Variants in KLKB1 observed in about 807,000 individuals in gnomAD.
KLKB1 encodes kallikrein B1, also known as plasma kallikrein.
A neutral mutation model predicts 73.6 loss-of-function variants in KLKB1; 58 were observed. The observed-to-expected ratio is 0.79, with a 90% CI of 0.64 to 0.98. The LOEUF (loss-of-function observed/expected upper bound fraction) is 0.98, where lower values mean the gene tolerates loss of function less well. KLKB1 is among the 50% of genes least tolerant of loss of function. The probability of loss-of-function intolerance (pLI) is 0.00; values close to 1 mark genes in which losing one functional copy is unlikely to be tolerated. For missense variants in KLKB1, 737 were observed against 763.8 expected (o/e 0.96, Z 0.41); for synonymous variants, 280 against 258.1 (o/e 1.08, Z -0.81).
intron 6 of KLKB1, among the ~76,000 whole-genome samples, chr4:186,243,148 T>A (rs1406573749): frequency 6.6e-6 from 1 of 151,996 alleles, no homozygotes; most frequent in Admixed American, 6.6e-5. Context: ...CCGAGCTTGA[T>A]GTGTAGGGAA....
intron 4 of KLKB1, among the ~76,000 whole-genome samples, chr4:186,235,713 G>A (rs1052698929): frequency 2.0e-5 from 3 of 151,954 alleles, no homozygotes; most frequent in Admixed American, 1.3e-4. Context: ...GTAGATTATG[G>A]TTTATTCCAC....
At chr4:186,227,688 CTGAG>C (rs1737212643) in intron 1 of KLKB1, 101 bp downstream of exon 1, 1 of 151,592 alleles carries the variant, frequency 6.6e-6, no homozygotes, top group Non-Finnish European at 1.5e-5. Flanking sequence ...TTCTAATTTC[CTGAG>C]TATGTAGAGA....
chr4:186,222,681 A>C (rs1052145170), upstream of KLKB1, among the ~76,000 whole-genome samples: 2 of 152,242 alleles, frequency 1.3e-5, no homozygotes. Flanking sequence ...GTTAAAAGTG[A>C]CTGTTGCACA....
In KLKB1 at chr4:186,221,104, AT is replaced by A. The variant is rs553131608; in HGVS notation, c.202-11022del. On this transcript the variant is annotated intron_variant, in intron 2 of 14. Transcript: ENST00000511608. ...TTAATTAGTTGATGTACTGTTTTTC[AT>A]AGTAGTCTCATGATTTTCTGTATTT... 3.0e-3 allele frequency among the ~76,000 whole-genome samples: 464 copies of A among 152,136 alleles called. 3 individuals are homozygous for A. Among genetic ancestry groups the A allele is most frequent in the African/African-American group, 0.011 (438 of 41,554 alleles).
At position 186,254,686 on chromosome 4, in the gene KLKB1, T is replaced by C; in HGVS notation, c.1412T>C (p.Ile471Thr). The C allele has an allele frequency of 1.2e-6, 2 of 1,613,836 alleles. No individual in the cohort carries two copies. Among genetic ancestry groups the C allele is most frequent in the Non-Finnish European group, 1.7e-6 (2 of 1,179,710 alleles). ...TTCTCACAAATAAAAGAGATTATTATTCACCAAAACTATAAAGTCTCAGAA... is the reference window on the plus strand; with the variant it reads ...TTCTCACAAATAAAAGAGATTATTACTCACCAAAACTATAAAGTCTCAGAA... Reference protein sequence around the residue: ...TPFSQIKEIIIHQNYKVSEGN... With the variant: ...TPFSQIKEIITHQNYKVSEGN... Residue 471 changes from isoleucine to threonine, a missense_variant, in exon 12 of 15, where the codon ATT becomes ACT. Transcript: ENST00000264690.
At chr4:186,228,138 G>A in intron 1 of KLKB1, 57 bp from the exon 2 acceptor site, 2 of 985,178 alleles carry the variant, frequency 2.0e-6, no homozygotes, top group Non-Finnish European at 3.3e-6. Flanking sequence ...CTTAAATTAA[G>A]ATTTATGTTA....
chr4:186,242,540 G>A (rs574471740), intron 6 of KLKB1, among the ~76,000 whole-genome samples: 91 of 152,216 alleles, frequency 6.0e-4, no homozygotes, highest in African/African-American at 1.8e-3. Flanking sequence ...GTTAGAAGCA[G>A]CATTTGTCAT....
At chr4:186,249,537 C>T (rs1657860789) in intron 6 of KLKB1, among the ~76,000 whole-genome samples, 1 of 152,130 alleles carries the variant, frequency 6.6e-6, no homozygotes, top group African/African-American at 2.4e-5. Context: ...AAGTTTTGAA[C>T]TCAGACAGTC....
chr4:186,257,990 TCTA>T (rs1739106269), intron 14 of KLKB1, 28 bp from the exon 15 acceptor site: 1 of 1,603,914 alleles, frequency 6.2e-7, no homozygotes, highest in African/African-American at 1.3e-5. Context: ...GTCGTAACTT[TCTA>T]CTATTTTATT....
intron 6 of KLKB1, among the ~76,000 whole-genome samples, chr4:186,239,901 C>A (rs559771457): frequency 3.6e-5 from 5 of 139,266 alleles, no homozygotes; most frequent in Non-Finnish European, 6.1e-5. Flanking sequence ...TACGGTGATA[C>A]TGTTATAGTT....
intron 5 of KLKB1, among the ~76,000 whole-genome samples, chr4:186,237,160 G>A (rs1395697845): frequency 1.3e-5 from 2 of 152,022 alleles, no homozygotes; most frequent in African/African-American, 2.4e-5. Flanking sequence ...GTGCAGTGGC[G>A]TAATCTCGAC....
At chr4:186,257,428 T>C in intron 14 of KLKB1, 63 bp downstream of exon 14, 1 of 1,438,204 alleles carries the variant, frequency 7.0e-7, no homozygotes, top group East Asian at 2.5e-5. Flanking sequence ...CAAAATATAT[T>C]TTCCAATAGC....
chr4:186,223,061 C>G (rs1248631132), upstream of KLKB1, among the ~76,000 whole-genome samples: 1 of 151,232 alleles, frequency 6.6e-6, no homozygotes, highest in East Asian at 1.9e-4. Flanking sequence ...CACATGCTCT[C>G]TCTCTCTCCT....
intron 12 of KLKB1, 63 bp from the exon 13 acceptor site, chr4:186,255,929 A>G (rs1738969631): frequency 2.0e-6 from 2 of 1,021,934 alleles, no homozygotes; most frequent in Admixed American, 1.7e-5. Flanking sequence ...AGAAAGATGT[A>G]TTTTTAAAGT....
chr4:186,248,255 A>C (rs1282636288), intron 6 of KLKB1, among the ~76,000 whole-genome samples: 1 of 149,960 alleles, frequency 6.7e-6, no homozygotes, highest in Non-Finnish European at 1.5e-5. Flanking sequence ...CTCACAAAAA[A>C]ATAATAAAAA....
chr4:186,244,797 G>A (rs529604985), intron 6 of KLKB1, among the ~76,000 whole-genome samples: 24 of 152,312 alleles, frequency 1.6e-4, no homozygotes, highest in Admixed American at 2.6e-4. Context: ...AAAAGGCCAC[G>A]CTGTAACAGG....
At chr4:186,253,879 A>G (rs1738840551) in intron 11 of KLKB1, among the ~76,000 whole-genome samples, 1 of 152,098 alleles carries the variant, frequency 6.6e-6, no homozygotes, top group Non-Finnish European at 1.5e-5. Flanking sequence ...TCTGTTGCCC[A>G]GAGTAGAGTG....
intron 2 of KLKB1, among the ~76,000 whole-genome samples, chr4:186,216,509 A>G (rs988418320): frequency 6.6e-6 from 1 of 152,154 alleles, no homozygotes; most frequent in African/African-American, 2.4e-5. Context: ...GGAGGATGGT[A>G]TCCTGAGGAG....
intron 6 of KLKB1, 118 bp from the exon 7 acceptor site, chr4:186,250,125 G>A: frequency 1.9e-6 from 2 of 1,043,348 alleles, no homozygotes; most frequent in South Asian, 1.3e-5. Context: ...TTTCACTTAG[G>A]ATGTTTAGTA....
Sources: gnomAD v4.1 joint callset for allele counts (sites outside exome capture counted in the v4.1 genomes callset) on GRCh38, gnomAD v4.1.1 for gene constraint, MANE v1.5 for transcripts, NCBI Gene and HGNC (gene_info 2026-07-23, HGNC 2026-07-21) for gene names.